The following RABGAP1 variants were observed in gnomAD, a reference collection of about 807,000 sequenced individuals.
RABGAP1 encodes RAB GTPase activating protein 1.
In RABGAP1, 23 loss-of-function variants were observed where a neutral mutation model predicts 137.6. The observed-to-expected ratio is 0.17, with a 90% CI of 0.12 to 0.24. The LOEUF (loss-of-function observed/expected upper bound fraction) is 0.24. Ranked by LOEUF, RABGAP1 falls within the 10% of genes least tolerant of loss-of-function variation. The probability of loss-of-function intolerance (pLI) is 1.00; values close to 1 mark genes in which losing one functional copy is unlikely to be tolerated. For synonymous variants in RABGAP1, 451 were observed against 450.7 expected (o/e 1.00, Z -0.01); for missense variants, 906 against 1,275.8 (o/e 0.71, Z 4.42).
At chr9:123,042,920 G>A (rs2033020671) in intron 13 of RABGAP1, among the ~76,000 whole-genome samples, 1 of 152,164 alleles carries the variant, frequency 6.6e-6, no homozygotes. Flanking sequence ...TTCTTGAATG[G>A]GGTGGGGCAT....
At chr9:123,068,299 A>G (rs2034243784) in intron 14 of RABGAP1, among the ~76,000 whole-genome samples, 1 of 151,426 alleles carries the variant, frequency 6.6e-6, no homozygotes, top group South Asian at 2.1e-4. Flanking sequence ...GCAGTGAGCC[A>G]AGATTGTGCC....
intron 13 of RABGAP1, chr9:123,035,748 A>C: frequency 1.6e-6 from 1 of 608,038 alleles, no homozygotes; most frequent in East Asian, 2.8e-5. Flanking sequence ...ACTCTAAACA[A>C]TAGCATACAA....
intron 23 of RABGAP1, among the ~76,000 whole-genome samples, chr9:123,098,999 C>T (rs10985889): frequency 6.6e-5 from 10 of 151,968 alleles, no homozygotes; most frequent in Non-Finnish European, 1.3e-4. Flanking sequence ...AAGGTTGTTA[C>T]GAGGATTTAA....
intron 1 of RABGAP1, among the ~76,000 whole-genome samples, chr9:122,953,190 G>A (rs1369707292): frequency 2.6e-5 from 4 of 152,190 alleles, no homozygotes; most frequent in Admixed American, 2.6e-4. Flanking sequence ...ACTTAAATCA[G>A]TTAATAACTG....
intron 19 of RABGAP1, among the ~76,000 whole-genome samples, chr9:123,079,330 C>T (rs1373296386): frequency 1.3e-5 from 2 of 151,276 alleles, no homozygotes; most frequent in African/African-American, 4.9e-5. Context: ...ACCTCCGCCT[C>T]CCGGGTTCAA....
intron 13 of RABGAP1, among the ~76,000 whole-genome samples, chr9:123,032,899 T>G (rs1201249838): frequency 6.6e-6 from 1 of 152,192 alleles, no homozygotes; most frequent in Non-Finnish European, 1.5e-5. Flanking sequence ...TCCTGTAATA[T>G]CCATGCCTGA....
intron 6 of RABGAP1, 111 bp downstream of exon 6, chr9:122,990,324 T>TA (rs1431337234): frequency 4.9e-5 from 47 of 953,528 alleles, no homozygotes; most frequent in Middle Eastern, 3.6e-4. Context: ...GGAGGGCTTT[T>TA]AAAAAAAATC....
chr9:122,955,224 A>G (rs1159484996), intron 1 of RABGAP1, among the ~76,000 whole-genome samples: 1 of 152,156 alleles, frequency 6.6e-6, no homozygotes, highest in Non-Finnish European at 1.5e-5. Context: ...TTCTCCCAAC[A>G]TGTTCCCATA....
Position 122,996,022 on chromosome 9 carries a change from G to T in RABGAP1, c.924-19G>T, listed in dbSNP as rs1336381179. The stretch of plus-strand genomic sequence containing the variant: ...CAAGAAAATGCTTTGCAAAATTAAT[G>T]AAACATGTTGGTCTACAGTGCAGTT... On this transcript the variant is annotated intron_variant, in intron 6 of 25. Coordinates refer to ENST00000373647, the MANE Select transcript of RABGAP1 (RefSeq NM_012197.4). The T allele has an allele frequency of 2.6e-6, 4 of 1,553,830 alleles. No individual in the cohort carries two copies. Among genetic ancestry groups the T allele is most frequent in the Non-Finnish European group, 3.5e-6 (4 of 1,157,466 alleles).
chr9:122,948,042 AACACACACACACACAC>A (rs55683114), intron 1 of RABGAP1, among the ~76,000 whole-genome samples: 13 of 145,934 alleles, frequency 8.9e-5, no homozygotes, highest in Non-Finnish European at 1.6e-4. Flanking sequence ...GAGCCAGGAA[AACACACACACACACAC>A]ACACACACAC....
chr9:122,938,577 T>C (rs1432069265), upstream of RABGAP1: 1 of 152,226 alleles, frequency 6.6e-6, no homozygotes, highest in African/African-American at 2.4e-5. Context: ...TAAAATGGAT[T>C]AGATGATAAA....
chr9:123,005,577 C>G (rs1056066614), intron 10 of RABGAP1, among the ~76,000 whole-genome samples: 1 of 152,180 alleles, frequency 6.6e-6, no homozygotes, highest in African/African-American at 2.4e-5. Context: ...CACATCAGTG[C>G]ATAGAGATTT....
At chr9:122,962,691 C>G (rs1324064216) in intron 2 of RABGAP1, among the ~76,000 whole-genome samples, 4 of 151,876 alleles carry the variant, frequency 2.6e-5, no homozygotes, top group Non-Finnish European at 4.4e-5. Context: ...AGATAAGAGA[C>G]ACACTAAAAA....
chr9:123,048,363 A>G (rs1401487732), intron 13 of RABGAP1, among the ~76,000 whole-genome samples: 1 of 152,220 alleles, frequency 6.6e-6, no homozygotes, highest in Non-Finnish European at 1.5e-5. Context: ...AGCATTTATA[A>G]GCATTTTCTT....
At chr9:122,956,167 G>C (rs536003761) in intron 1 of RABGAP1, among the ~76,000 whole-genome samples, 26 of 152,306 alleles carry the variant, frequency 1.7e-4, no homozygotes, top group Non-Finnish European at 2.9e-4. Flanking sequence ...GGTGTGGGAA[G>C]ATGCAGTTTT....
At chr9:123,007,147 C>T (rs1053887929) in intron 10 of RABGAP1, among the ~76,000 whole-genome samples, 2 of 151,582 alleles carry the variant, frequency 1.3e-5, no homozygotes, top group Non-Finnish European at 2.9e-5. Context: ...GATCCTGGCT[C>T]ACTGCAACCT....
At position 123,075,606 on chromosome 9, in the gene RABGAP1, CT is replaced by C. The variant is rs1425177389; in HGVS notation, c.2254-638del. On this transcript the variant is annotated intron_variant, in intron 17 of 25. Coordinates refer to ENST00000373647, the MANE Select transcript of RABGAP1 (RefSeq NM_012197.4). ...CTAATCACAAACCTTTAAATTGTTT[CT>C]AGCTTTTTAGTAGTATAAACAACCA... Among the ~76,000 whole-genome samples, 3 of 152,154 alleles carry C rather than the reference CT, an allele frequency of 2.0e-5. No homozygotes were observed. The East Asian group carries it at 5.8e-4, about 29-fold the overall frequency.
At chr9:123,074,461 T>C (rs1265969460) in intron 17 of RABGAP1, 33 bp downstream of exon 17, 12 of 1,581,370 alleles carry the variant, frequency 7.6e-6, no homozygotes, top group Non-Finnish European at 9.5e-6. Context: ...CTTTGGCTTT[T>C]GTTTGCAGTG....
At chr9:123,011,801 A>G (rs2131884108) in intron 11 of RABGAP1, among the ~76,000 whole-genome samples, 1 of 152,248 alleles carries the variant, frequency 6.6e-6, no homozygotes, top group East Asian at 1.9e-4. Context: ...CTAAATACAA[A>G]AAAATTAGCT....
Sources: gnomAD v4.1 joint callset for allele counts (sites outside exome capture counted in the v4.1 genomes callset) on GRCh38, gnomAD v4.1.1 for gene constraint, MANE v1.5 for transcripts, NCBI Gene and HGNC (gene_info 2026-07-23, HGNC 2026-07-21) for gene names.